SERPINA11: variants seen among roughly 807,000 people sequenced by gnomAD.
SERPINA11 encodes serpin A11.
SERPINA11 carries 28 observed loss-of-function variants against 29.4 expected under a neutral mutation model. The observed-to-expected ratio is 0.95, with a 90% CI of 0.70 to 1.30. SERPINA11 has a LOEUF of 1.30. SERPINA11 is among the 50% of genes most tolerant of loss of function. The pLI is 0.00. For synonymous variants in SERPINA11, 253 were observed against 206.6 expected, an observed-to-expected ratio of 1.22 and a Z score of -1.92; for missense variants, 530 against 507.3, an observed-to-expected ratio of 1.04 and a Z score of -0.43.
Position 94,442,671 on chromosome 14 carries a change from G to A in SERPINA11, c.1204C>T (p.Leu402Phe), listed in dbSNP as rs763903318. 2 of 1,612,976 alleles carry A rather than the reference G, an allele frequency of 1.2e-6. No homozygotes were observed. The highest frequency in any genetic ancestry group is 1.7e-6 in the Non-Finnish European group (2 of 1,179,556). The change falls in exon 5 of 5, where the codon CTT (leucine) becomes TTT (phenylalanine). Residue 402 changes from leucine (L) to phenylalanine (F), a missense_variant. Transcript: ENST00000334708. ...AAGCTCTGGGTGGTGACCTCCCAAAGGAGCAAGAGGAAAGGCCTGTTGAAG... is the reference window on the plus strand; with the variant it reads ...AAGCTCTGGGTGGTGACCTCCCAAAAGAGCAAGAGGAAAGGCCTGTTGAAG... ...AHFNRPFLLLLWEVTTQSLLF... is the reference protein window; with the variant it reads ...AHFNRPFLLLFWEVTTQSLLF...
chr14:94,443,686 G>A (rs1898384748), intron 3 of SERPINA11, among the ~76,000 whole-genome samples: 1 of 152,130 alleles, frequency 6.6e-6, no homozygotes, highest in South Asian at 2.1e-4. Flanking sequence ...AATACAAGCA[G>A]CCATTGTCTC....
chr14:94,448,390 G>T lies in SERPINA11; in HGVS notation c.385C>A (p.Pro129Thr), dbSNP rs779330587. 2.5e-6 allele frequency: 4 copies of T among 1,614,080 alleles called. No homozygotes were observed. Among genetic ancestry groups the T allele is most frequent in the Non-Finnish European group, 3.4e-6 (4 of 1,180,052 alleles). ...FRSLLHTLAL[P>T]SPKLELKVGN... is the part of the protein sequence containing the mutation. ...ACTTTTAGTTCGAGTTTGGGGCTGGGCAGGGCAAGGGTGTGGAGGAGGCTC... is the reference window on the plus strand; with the variant it reads ...ACTTTTAGTTCGAGTTTGGGGCTGGTCAGGGCAAGGGTGTGGAGGAGGCTC... Residue 129 changes from proline to threonine, a missense_variant, in exon 2 of 5, where the codon CCC (proline) becomes ACC (threonine). Transcript: ENST00000334708.
intron 3 of SERPINA11, 53 bp downstream of exon 3, chr14:94,446,278 C>A: frequency 6.5e-7 from 1 of 1,544,386 alleles, no homozygotes; most frequent in Non-Finnish European, 8.8e-7. Flanking sequence ...TGATCAAGAC[C>A]TGCTGGGGTT....
At chr14:94,443,332 G>A in intron 3 of SERPINA11, 107 bp from the exon 4 acceptor site, 1 of 1,074,098 alleles carries the variant, frequency 9.3e-7, no homozygotes. Flanking sequence ...TTCCCAGCGT[G>A]AGAAGCAACC....
rs1180675724 is a variant in SERPINA11, at chr14:94,446,696, TG to T, written c.644-93del. ...ACAAAACCACAGTTCCTCTTGGCTA[TG>T]CAAGTATGTGGCAAAAAATGTGGAA... is the stretch of plus-strand genomic sequence containing the variant. On this transcript the variant is annotated intron_variant, in intron 2 of 4. Coordinates refer to ENST00000334708, the MANE Select transcript of SERPINA11 (RefSeq NM_001080451.2). 4 of 1,313,312 alleles carry T rather than the reference TG, an allele frequency of 3.0e-6. No homozygotes were observed. In the African/African-American group the frequency reaches 4.4e-5, roughly 14 times the overall value. The allele number at this position is 1,313,312 out of a possible 1,614,324, so 81.4% of individuals were successfully genotyped here. A position where few individuals can be genotyped will look rare whatever the true frequency, so the allele number is the denominator to read the frequency against.
chr14:94,449,402 TTCTATTCTTTCTTTCTTTC>T (rs1898521260), intron 1 of SERPINA11, among the ~76,000 whole-genome samples: 1 of 31,422 alleles, frequency 3.2e-5, no homozygotes, highest in African/African-American at 1.1e-4. Flanking sequence ...CTTTCTTTCT[TTCTATTCTTTCTTTCTTTC>T]TTTCTTTCTT....
At chr14:94,444,377 A>G (rs527285542) in intron 3 of SERPINA11, among the ~76,000 whole-genome samples, 29 of 150,426 alleles carry the variant, frequency 1.9e-4, no homozygotes, top group Non-Finnish European at 3.9e-4. Context: ...AATGGATACT[A>G]AGATATTGTA....
intron 3 of SERPINA11, among the ~76,000 whole-genome samples, 160 bp from the exon 4 acceptor site, chr14:94,443,385 A>G (rs1280748954): frequency 6.6e-6 from 1 of 152,094 alleles, no homozygotes; most frequent in African/African-American, 2.4e-5. Flanking sequence ...CCATGCCACT[A>G]CCCATACCCA....
At chr14:94,449,972 C>T (rs990407915) in intron 1 of SERPINA11, among the ~76,000 whole-genome samples, 7 of 152,152 alleles carry the variant, frequency 4.6e-5, no homozygotes, top group South Asian at 2.1e-4. Flanking sequence ...CCTTTCCAGT[C>T]GTTCATTAGC....
At chr14:94,450,091 G>T (rs1230774459) in intron 1 of SERPINA11, among the ~76,000 whole-genome samples, 2 of 152,158 alleles carry the variant, frequency 1.3e-5, no homozygotes, top group Non-Finnish European at 2.9e-5. Flanking sequence ...ATGAGAGAGA[G>T]CAACTCTGTC....
Position 94,448,193 on chromosome 14 carries a change from G to A in SERPINA11, c.582C>T (p.Asp194=), listed in dbSNP as rs768915706. 5 of 1,614,222 alleles carry A rather than the reference G, an allele frequency of 3.1e-6. No homozygotes were observed. The Admixed American group carries it at 8.3e-5, about 27-fold the overall frequency. ...TGTCCTGGCTGAACTCCGGGAGGCA[G>A]TCCACGACTTGCCCGTATGTTTGCC... ...LRRQTYGQVV[D]CLPEFSQDTF... Residue 194 remains aspartate, a synonymous_variant, in exon 2 of 5, where the codon GAC becomes GAT. Transcript: ENST00000334708.
rs749650396 is a variant in SERPINA11, at chr14:94,448,732, C to T, written c.43G>A (p.Ala15Thr). 1 of 1,517,688 alleles carries T rather than the reference C, an allele frequency of 6.6e-7. No individual in the cohort carries two copies. The allele number at this position is 1,517,688 out of a possible 1,614,324, so 94.0% of individuals were successfully genotyped here. Residue 15 changes from alanine (A) to threonine (T), a missense_variant, in exon 2 of 5, where the codon GCC becomes ACC. Coordinates refer to ENST00000334708, the MANE Select transcript of SERPINA11 (RefSeq NM_001080451.2). ...WLWLLGTGIL[A>T]SVHCQPLLAH... ...AGAAGGGGCTGACAGTGGACAGAGG[C>T]CAGGATCCCTGTTCCCAGTAGCCAA...
At chr14:94,451,952 G>C (rs538954175) in intron 1 of SERPINA11, among the ~76,000 whole-genome samples, 3 of 152,110 alleles carry the variant, frequency 2.0e-5, no homozygotes, top group Non-Finnish European at 2.9e-5. Flanking sequence ...ACTTATTAAG[G>C]GTTTATGAAG....
chr14:94,449,449 C>CTGTCTGTCTTTCTTTCTCTTTCTTTCTT (rs1898532359), intron 1 of SERPINA11, among the ~76,000 whole-genome samples: 1 of 112,146 alleles, frequency 8.9e-6, no homozygotes, highest in African/African-American at 5.1e-5. Flanking sequence ...TTCTTTCTTT[C>CTGTCTGTCTTTCTTTCTCTTTCTTTCTT]TTTCTTTCTT....
chr14:94,445,187 C>T (rs372116498), intron 3 of SERPINA11, among the ~76,000 whole-genome samples: 1 of 152,182 alleles, frequency 6.6e-6, no homozygotes, highest in Non-Finnish European at 1.5e-5. Context: ...GCTCCAGCTG[C>T]CACCTACTCC....
chr14:94,446,260 G>T, intron 3 of SERPINA11, 71 bp downstream of exon 3: 2 of 1,375,676 alleles, frequency 1.5e-6, no homozygotes, highest in Non-Finnish European at 2.0e-6. Flanking sequence ...GGCTTTTGCA[G>T]CTGGAGTTGA....
chr14:94,449,258 C>T (rs1017018597), intron 1 of SERPINA11, among the ~76,000 whole-genome samples: 3 of 152,002 alleles, frequency 2.0e-5, no homozygotes, highest in African/African-American at 7.3e-5. Context: ...ATCGCTTGGG[C>T]CTGGGGGGTC....
chr14:94,444,546 G>C (rs758536425), intron 3 of SERPINA11, among the ~76,000 whole-genome samples: 20 of 152,060 alleles, frequency 1.3e-4, no homozygotes, highest in Non-Finnish European at 1.9e-4. Context: ...ATGGGGGCAA[G>C]GAGAAGACTC....
intron 3 of SERPINA11, 124 bp downstream of exon 3, chr14:94,446,207 T>G: frequency 1.1e-6 from 1 of 935,976 alleles, no homozygotes; most frequent in Non-Finnish European, 1.6e-6. Flanking sequence ...GATCACACAG[T>G]TAGTAAAGGA....
Sources: gnomAD v4.1 joint callset for allele counts (sites outside exome capture counted in the v4.1 genomes callset) on GRCh38, gnomAD v4.1.1 for gene constraint, MANE v1.5 for transcripts, NCBI Gene and HGNC (gene_info 2026-07-23, HGNC 2026-07-21) for gene names.